STK3: variants seen among roughly 807,000 people sequenced by gnomAD.
STK3 encodes the protein serine/threonine-protein kinase 3.
Under a neutral mutation model 58.0 loss-of-function variants are expected in STK3, and 41 were observed. The observed-to-expected ratio is 0.71, with a 90% CI of 0.55 to 0.92. The LOEUF (loss-of-function observed/expected upper bound fraction) is 0.92. STK3 is among the 40% of genes least tolerant of loss of function. STK3 has a pLI of 0.00. For missense variants in STK3, 479 were observed against 602.7 expected, an observed-to-expected ratio of 0.79 and a Z score of 2.15; for synonymous variants, 170 against 191.0, an observed-to-expected ratio of 0.89 and a Z score of 0.91.
At chr8:98,907,440 G>A (rs1838958559) in intron 1 of STK3, among the ~76,000 whole-genome samples, 1 of 151,844 alleles carries the variant, frequency 6.6e-6, no homozygotes, top group Admixed American at 6.6e-5. Flanking sequence ...TTGAACCTGG[G>A]AGGCAGAAGT....
At chr8:98,687,321 ATTAG>A (rs888340766) in intron 6 of STK3, among the ~76,000 whole-genome samples, 3 of 152,232 alleles carry the variant, frequency 2.0e-5, no homozygotes, top group Non-Finnish European at 4.4e-5. Context: ...TTCATCAGGC[ATTAG>A]TTAGAGTCTC....
intron 10 of STK3, among the ~76,000 whole-genome samples, chr8:98,470,170 T>A (rs1044584637): frequency 2.0e-5 from 3 of 152,178 alleles, no homozygotes; most frequent in African/African-American, 7.2e-5. Flanking sequence ...AAATACCACA[T>A]GCAAAGAAAT....
intron 4 of STK3, among the ~76,000 whole-genome samples, chr8:98,733,870 T>C (rs1828381167): frequency 6.6e-6 from 1 of 152,134 alleles, no homozygotes; most frequent in Non-Finnish European, 1.5e-5. Context: ...GCTGTATTCA[T>C]CCACTCTCAC....
chr8:98,923,865 G>A (rs1231884386), intron 1 of STK3, among the ~76,000 whole-genome samples: 34 of 118,236 alleles, frequency 2.9e-4, no homozygotes, highest in Middle Eastern at 4.4e-3. Flanking sequence ...GCGCGCGCGC[G>A]CGCGCGCGCG....
chr8:98,609,681 G>A (rs1263550942), intron 6 of STK3, among the ~76,000 whole-genome samples: 1 of 152,172 alleles, frequency 6.6e-6, no homozygotes, highest in African/African-American at 2.4e-5. Flanking sequence ...GAAATCAGTG[G>A]CCAGGCATGG....
intron 3 of STK3, among the ~76,000 whole-genome samples, chr8:98,843,955 T>C (rs1361911240): frequency 1.3e-5 from 2 of 151,384 alleles, no homozygotes; most frequent in African/African-American, 4.9e-5. Context: ...AGCCCAGGAG[T>C]TCAAGTCCAG....
At chr8:98,661,095 T>C (rs1375098978) in intron 6 of STK3, among the ~76,000 whole-genome samples, 1 of 152,078 alleles carries the variant, frequency 6.6e-6, no homozygotes, top group African/African-American at 2.4e-5. Context: ...TTTTCTTTTC[T>C]TTGTAACTCT....
At chr8:98,473,086 C>T (rs563605656) in intron 10 of STK3, among the ~76,000 whole-genome samples, 1 of 152,142 alleles carries the variant, frequency 6.6e-6, no homozygotes, top group East Asian at 1.9e-4. Flanking sequence ...AGCCTTTACA[C>T]AGCAGATGAA....
the STK3 span, among the ~76,000 whole-genome samples, chr8:98,347,264 C>T: frequency 6.6e-6 from 1 of 151,888 alleles, no homozygotes; most frequent in Non-Finnish European, 1.5e-5. Flanking sequence ...CTTGTAATCC[C>T]AGCACTTTGG....
At chr8:98,893,486 G>GAAAGAAAGAA (rs776247646) in intron 1 of STK3, among the ~76,000 whole-genome samples, 34 of 42,990 alleles carry the variant, frequency 7.9e-4, no homozygotes, top group South Asian at 1.8e-3. Context: ...AAGAAAGAAA[G>GAAAGAAAGAA]AGAAAGAAAG....
rs1047620791 is a variant in STK3, at chr8:98,837,392, A to C, written c.110+46255T>G. Among the ~76,000 whole-genome samples the C allele has an allele frequency of 4.5e-4, 68 of 151,930 alleles. 2 individuals are homozygous for C. Among genetic ancestry groups the C allele is most frequent in the Admixed American group, 4.5e-3 (68 of 15,254 alleles). On this transcript the variant is annotated intron_variant, in intron 3 of 12. Coordinates refer to the STK3 transcript ENST00000523601. ...AAAAAAAAAAAAAGAAAGAAAGAAA[A>C]AAATGGCTTTCATTTTATAAAATTC...
chr8:98,460,351 C>T (rs1819854323), intron 10 of STK3, among the ~76,000 whole-genome samples: 1 of 152,200 alleles, frequency 6.6e-6, no homozygotes, highest in Admixed American at 6.5e-5. Context: ...CCTGTACCCC[C>T]ATTGTGTCTT....
intron 3 of STK3, among the ~76,000 whole-genome samples, chr8:98,849,159 G>C (rs1433303349): frequency 7.3e-5 from 11 of 150,600 alleles, no homozygotes; most frequent in Non-Finnish European, 1.6e-4. Context: ...CCAAGAGGCG[G>C]AGCTTGCAGT....
Position 98,933,913 on chromosome 8 carries a change from G to T in STK3, c.-79+8465C>A, listed in dbSNP as rs964358786. Among the ~76,000 whole-genome samples the T allele has an allele frequency of 7.9e-5, 12 of 152,300 alleles. No individual in the cohort carries two copies. In the East Asian group the frequency reaches 1.9e-3, roughly 24 times the overall value. On this transcript the variant is annotated intron_variant, in intron 1 of 1. Coordinates refer to the STK3 transcript ENST00000519420. ...GCAAAGTTAACCCACCAGGCAGAGAGGTCAGGCCAGGACAATTTTAAATGG... is the reference window on the plus strand; with the variant it reads ...GCAAAGTTAACCCACCAGGCAGAGATGTCAGGCCAGGACAATTTTAAATGG...
At chr8:98,842,597 G>C (rs983615383) in intron 3 of STK3, among the ~76,000 whole-genome samples, 2 of 152,194 alleles carry the variant, frequency 1.3e-5, no homozygotes, top group Admixed American at 1.3e-4. Context: ...AGGATCACTT[G>C]AGCCTGGGAG....
At chr8:98,916,444 A>G (rs1459768277) in intron 1 of STK3, among the ~76,000 whole-genome samples, 1 of 152,172 alleles carries the variant, frequency 6.6e-6, no homozygotes, top group African/African-American at 2.4e-5. Context: ...CAAACAAACA[A>G]AAAACCACTT....
At chr8:98,377,526 A>G (rs1817687657) in intron 2 of STK3, among the ~76,000 whole-genome samples, 2 of 151,766 alleles carry the variant, frequency 1.3e-5, no homozygotes, top group African/African-American at 4.8e-5. Context: ...TTAAAGACAA[A>G]TATATTATAA....
intron 3 of STK3, among the ~76,000 whole-genome samples, chr8:98,836,156 G>T (rs569537177): frequency 6.6e-6 from 1 of 151,780 alleles, no homozygotes; most frequent in Admixed American, 6.6e-5. Context: ...AGCTGAGATC[G>T]CACTATTGCA....
At chr8:98,714,506 A>C (rs939733681) in intron 4 of STK3, among the ~76,000 whole-genome samples, 1 of 152,254 alleles carries the variant, frequency 6.6e-6, no homozygotes, top group Non-Finnish European at 1.5e-5. Context: ...ACAGAGAGAC[A>C]AATCATGAGT....
Sources: gnomAD v4.1 joint callset for allele counts (sites outside exome capture counted in the v4.1 genomes callset) on GRCh38, gnomAD v4.1.1 for gene constraint, MANE v1.5 for transcripts, NCBI Gene and HGNC (gene_info 2026-07-23, HGNC 2026-07-21) for gene names.